Variants in DLGAP2 observed in about 807,000 individuals in gnomAD.
The protein encoded by DLGAP2 is disks large-associated protein 2.
Under a neutral mutation model 100.3 loss-of-function variants are expected in DLGAP2, and 26 were observed. The ratio of observed to expected loss-of-function variants is 0.26; its 90% CI spans 0.19 to 0.36. DLGAP2 has a LOEUF of 0.36. DLGAP2 is among the 10% of genes least tolerant of loss of function. The pLI is 1.00. For synonymous variants in DLGAP2, 886 were observed against 630.1 expected, an observed-to-expected ratio of 1.41 and a Z score of -6.08; for missense variants, 1,858 against 1,453.2, an observed-to-expected ratio of 1.28 and a Z score of -4.53.
intron 2 of DLGAP2, among the ~76,000 whole-genome samples, chr8:1,039,620 G>T (rs1313956763): frequency 1.5e-5 from 1 of 66,860 alleles, no homozygotes. Flanking sequence ...GGTCAGCTCG[G>T]TGTGCGTGGT....
chr8:1,392,075 C>T (rs147070684), intron 3 of DLGAP2, among the ~76,000 whole-genome samples: 1 of 152,270 alleles, frequency 6.6e-6, no homozygotes, highest in East Asian at 1.9e-4. Flanking sequence ...TCAGAAAACC[C>T]AGGTCATAGG....
intron 2 of DLGAP2, among the ~76,000 whole-genome samples, chr8:1,103,402 C>T (rs367659500): frequency 6.6e-6 from 1 of 151,642 alleles, no homozygotes; most frequent in Non-Finnish European, 1.5e-5. Flanking sequence ...CTGGCAGGGC[C>T]TTGTTTAACG....
At chr8:1,256,734 C>G (rs1049842122) in intron 2 of DLGAP2, among the ~76,000 whole-genome samples, 1 of 152,308 alleles carries the variant, frequency 6.6e-6, no homozygotes, top group Non-Finnish European at 1.5e-5. Context: ...GCCTTCTCCC[C>G]ACTTTCTGCA....
intron 2 of DLGAP2, among the ~76,000 whole-genome samples, chr8:1,171,294 A>C (rs542979806): frequency 6.6e-6 from 1 of 152,230 alleles, no homozygotes; most frequent in East Asian, 1.9e-4. Context: ...GGAGAGCTTT[A>C]CTTCCAGAGT....
chr8:989,914 A>G (rs1800606243), intron 2 of DLGAP2, among the ~76,000 whole-genome samples: 1 of 152,140 alleles, frequency 6.6e-6, no homozygotes, highest in African/African-American at 2.4e-5. Flanking sequence ...AAATAACTGA[A>G]TTGTAATTTG....
intron 3 of DLGAP2, among the ~76,000 whole-genome samples, chr8:1,338,684 C>G (rs73670772): frequency 0.014 from 2,078 of 152,172 alleles, 70 homozygotes; most frequent in African/African-American, 0.048. Flanking sequence ...AAGACACGAT[C>G]TGTACAGTAT....
At chr8:901,933 G>A (rs1798259980) in intron 1 of DLGAP2, among the ~76,000 whole-genome samples, 1 of 152,250 alleles carries the variant, frequency 6.6e-6, no homozygotes, top group Non-Finnish European at 1.5e-5. Flanking sequence ...CTCCGGGATG[G>A]GCAGGGAGGA....
intron 1 of DLGAP2, among the ~76,000 whole-genome samples, chr8:778,269 A>G (rs543874600): frequency 1.3e-5 from 2 of 152,062 alleles, no homozygotes; most frequent in Non-Finnish European, 2.9e-5. Flanking sequence ...CAAAGTTTTC[A>G]ACTTCTTTAC....
intron 2 of DLGAP2, among the ~76,000 whole-genome samples, chr8:1,132,115 T>A (rs1165556090): frequency 6.6e-6 from 1 of 152,214 alleles, no homozygotes; most frequent in Admixed American, 6.5e-5. Flanking sequence ...TTTCATTATA[T>A]GTGTTAATTG....
intron 7 of DLGAP2, among the ~76,000 whole-genome samples, chr8:1,631,734 C>A (rs549762321): frequency 3.3e-5 from 5 of 152,334 alleles, no homozygotes; most frequent in South Asian, 2.1e-4. Flanking sequence ...TCTCCAGGGT[C>A]CATGCTGAGT....
At chr8:946,451 G>T (rs186556580) in intron 2 of DLGAP2, among the ~76,000 whole-genome samples, 1 of 151,870 alleles carries the variant, frequency 6.6e-6, no homozygotes, top group Admixed American at 6.6e-5. Flanking sequence ...TTTTTGTAGA[G>T]ACGGGGTTTC....
At chr8:1,506,762 A>G (rs1563189770) in intron 4 of DLGAP2, among the ~76,000 whole-genome samples, 1 of 152,172 alleles carries the variant, frequency 6.6e-6, no homozygotes, top group Non-Finnish European at 1.5e-5. Context: ...TGCATTTACA[A>G]TCCCTGAGCT....
intron 2 of DLGAP2, among the ~76,000 whole-genome samples, chr8:1,227,153 G>GATATATATATATATATACT (rs1554506449): frequency 1.1e-5 from 1 of 89,750 alleles, no homozygotes; most frequent in African/African-American, 6.5e-5. Context: ...GAAACTGTGA[G>GATATATATATATATATACT]ATATATATAT....
chr8:1,193,770 G>A (rs979127437), intron 2 of DLGAP2, among the ~76,000 whole-genome samples: 15 of 151,786 alleles, frequency 9.9e-5, no homozygotes, highest in Middle Eastern at 3.2e-3. Flanking sequence ...TCCCAGTCTC[G>A]GCCTCTAGAG....
chr8:1,644,934 A>G (rs567298415), intron 8 of DLGAP2, among the ~76,000 whole-genome samples: 6 of 152,346 alleles, frequency 3.9e-5, no homozygotes, highest in African/African-American at 1.2e-4. Context: ...AAAAAAAACT[A>G]GAGTGATGCT....
chr8:1,189,597 A>AT (rs1797590340), intron 2 of DLGAP2, among the ~76,000 whole-genome samples: 1 of 152,138 alleles, frequency 6.6e-6, no homozygotes, highest in Admixed American at 6.5e-5. Context: ...TAGAAACAGT[A>AT]TTTTTTGTCA....
intron 4 of DLGAP2, among the ~76,000 whole-genome samples, chr8:1,546,204 A>G (rs1801528782): frequency 6.6e-6 from 1 of 152,244 alleles, no homozygotes; most frequent in Admixed American, 6.5e-5. Flanking sequence ...GAGACAGCGT[A>G]GGCACCTGAA....
At chr8:995,709 A>G (rs569931535) in intron 2 of DLGAP2, among the ~76,000 whole-genome samples, 1 of 152,352 alleles carries the variant, frequency 6.6e-6, no homozygotes, top group South Asian at 2.1e-4. Context: ...TACAAGCAGC[A>G]ACTGTTTCAG....
intron 2 of DLGAP2, among the ~76,000 whole-genome samples, chr8:1,173,272 GAGGTGTCAGTC>G (rs1797171347): frequency 6.6e-6 from 1 of 152,186 alleles, no homozygotes; most frequent in African/African-American, 2.4e-5. Context: ...CCGGCCACGT[GAGGTGTCAGTC>G]TGCCCCTACT....
Sources: gnomAD v4.1 joint callset for allele counts (sites outside exome capture counted in the v4.1 genomes callset) on GRCh38, gnomAD v4.1.1 for gene constraint, MANE v1.5 for transcripts, NCBI Gene and HGNC (gene_info 2026-07-23, HGNC 2026-07-21) for gene names.